Variants in TTC39B observed in about 807,000 individuals in gnomAD.
TTC39B encodes the protein tetratricopeptide repeat protein 39B.
In TTC39B, 92 loss-of-function variants were observed where a neutral mutation model predicts 96.6. That is an observed-to-expected ratio of 0.95 (90% CI 0.80 to 1.13). TTC39B has a LOEUF of 1.13. Among genes scored for constraint, TTC39B ranks in the 50% most tolerant of loss-of-function variants. The pLI is 0.00. For missense variants in TTC39B, 955 were observed against 809.3 expected, an observed-to-expected ratio of 1.18 and a Z score of -2.18; for synonymous variants, 367 against 299.4, an observed-to-expected ratio of 1.23 and a Z score of -2.33.
exon 11 of TTC39B, chr9:15,190,563 G>C (rs765552704): frequency 6.2e-7 from 1 of 1,613,170 alleles, no homozygotes; most frequent in East Asian, 2.2e-5. Flanking sequence ...CCAAGTATTA[G>C]GGAGATGTAA....
intron 2 of TTC39B, among the ~76,000 whole-genome samples, chr9:15,264,672 A>T: frequency 6.7e-6 from 1 of 148,982 alleles, no homozygotes; most frequent in East Asian, 1.9e-4. Flanking sequence ...AAAAAAAAAA[A>T]GGGAAACTAT....
At chr9:15,237,273 C>T (rs1423527753) in intron 2 of TTC39B, among the ~76,000 whole-genome samples, 1 of 152,144 alleles carries the variant, frequency 6.6e-6, no homozygotes, top group Admixed American at 6.5e-5. Context: ...CAAGATCATG[C>T]CACTGTATTC....
intron 1 of TTC39B, among the ~76,000 whole-genome samples, chr9:15,285,208 G>C (rs1823919295): frequency 6.6e-6 from 1 of 151,516 alleles, no homozygotes; most frequent in Admixed American, 6.6e-5. Context: ...GGCGGAGTTT[G>C]CAGTGAGCCG....
chr9:15,219,580 C>T (rs970017207), intron 3 of TTC39B, among the ~76,000 whole-genome samples: 4 of 152,182 alleles, frequency 2.6e-5, no homozygotes, highest in African/African-American at 4.8e-5. Context: ...AAGAGGTGCC[C>T]TCCCTGTACC....
chr9:15,173,467 C>T (rs1817766878), intron 19 of TTC39B, among the ~76,000 whole-genome samples: 1 of 152,170 alleles, frequency 6.6e-6, no homozygotes, highest in Admixed American at 6.6e-5. Context: ...GATACTCATG[C>T]TGCCAAATTC....
chr9:15,185,650 T>C, intron 15 of TTC39B: 1 of 410,968 alleles, frequency 2.4e-6, no homozygotes, highest in South Asian at 3.3e-5. Flanking sequence ...ACACTCAAGA[T>C]TGAGAACCAC....
chr9:15,181,232 C>T (rs2118605962), intron 17 of TTC39B, among the ~76,000 whole-genome samples: 1 of 152,234 alleles, frequency 6.6e-6, no homozygotes, highest in African/African-American at 2.4e-5. Context: ...AATGTTTCCC[C>T]ACCATTCCTG....
chr9:15,165,282 G>A lies in TTC39B; in HGVS notation c.*6737C>T, dbSNP rs184705844. On this transcript the variant is annotated 3_prime_UTR_variant, in exon 20 of 20. Coordinates refer to ENST00000512701, the Ensembl canonical transcript of TTC39B. ...GAATTGCTTGAACCCAGGAGGCAGA[G>A]GTTGTGGTAAGCCAAGATCGTGCCA... 154 of 152,288 alleles carry A rather than the reference G, an allele frequency of 1.0e-3. 2 individuals carry two copies. The highest frequency in any genetic ancestry group is 3.5e-3 in the African/African-American group (146 of 41,548). The allele number at this position is 152,288 out of a possible 1,614,324, so 9.4% of individuals were successfully genotyped here.
chr9:15,211,016 G>C (rs1296482595), intron 5 of TTC39B, among the ~76,000 whole-genome samples: 1 of 152,114 alleles, frequency 6.6e-6, no homozygotes, highest in Non-Finnish European at 1.5e-5. Context: ...AGAGATGCTT[G>C]CTGCTAATCC....
chr9:15,274,340 T>G (rs1193258034), intron 1 of TTC39B, among the ~76,000 whole-genome samples: 1 of 152,238 alleles, frequency 6.6e-6, no homozygotes, highest in Admixed American at 6.5e-5. Flanking sequence ...TTCTACAGCA[T>G]TTAAACTCTC....
chr9:15,249,205 G>C (rs1175711829), intron 2 of TTC39B: 1 of 152,098 alleles, frequency 6.6e-6, no homozygotes, highest in African/African-American at 2.4e-5. Context: ...GGGGAAAATG[G>C]GACACGATGA....
chr9:15,234,557 T>G (rs1354604409), intron 2 of TTC39B, among the ~76,000 whole-genome samples: 4 of 152,132 alleles, frequency 2.6e-5, no homozygotes, highest in Non-Finnish European at 4.4e-5. Flanking sequence ...GAACGGGCCA[T>G]GATGACAATG....
At chr9:15,271,243 A>G (rs1456062488) in intron 1 of TTC39B, among the ~76,000 whole-genome samples, 1 of 152,120 alleles carries the variant, frequency 6.6e-6, no homozygotes, top group Non-Finnish European at 1.5e-5. Flanking sequence ...AGAAGAGTGT[A>G]TTTGTGTTTA....
intron 1 of TTC39B, among the ~76,000 whole-genome samples, chr9:15,296,426 C>T (rs1824377299): frequency 6.6e-6 from 1 of 152,044 alleles, no homozygotes. Context: ...TCCTTTACCC[C>T]AAAAGAAGAA....
rs147130508 is a variant in TTC39B at position 15,178,525 on chromosome 9, T to C, written c.1724-711A>G. 9.4e-3 allele frequency among the ~76,000 whole-genome samples: 1,426 copies of C among 152,328 alleles called. 27 individuals are homozygous for C. Among genetic ancestry groups the C allele is most frequent in the African/African-American group, 0.033 (1,357 of 41,582 alleles). On this transcript the variant is annotated intron_variant, in intron 17 of 19. Transcript: ENST00000512701. ...AGCAGTTGGAGGCTGCAGTGAGCTA[T>C]GATGGCGCCACTGCACTGCAGCCTG...
chr9:15,223,231 G>A (rs1820943851), intron 3 of TTC39B, among the ~76,000 whole-genome samples: 1 of 152,184 alleles, frequency 6.6e-6, no homozygotes, highest in Admixed American at 6.5e-5. Flanking sequence ...TTCAAGGTTG[G>A]AGGGAGAATC....
intron 2 of TTC39B, among the ~76,000 whole-genome samples, chr9:15,265,397 C>T (rs915984064): frequency 1.3e-5 from 2 of 152,172 alleles, no homozygotes; most frequent in African/African-American, 4.8e-5. Flanking sequence ...GTGTGGCATG[C>T]TAGCTCCCGC....
chr9:15,304,322 A>G (rs1824688042), intron 1 of TTC39B, among the ~76,000 whole-genome samples: 1 of 152,232 alleles, frequency 6.6e-6, no homozygotes, highest in Non-Finnish European at 1.5e-5. Context: ...AGAAAACCCA[A>G]TGAGAGAAAT....
chr9:15,188,158 T>C, intron 13 of TTC39B, 26 bp from the exon 14 acceptor site: 1 of 1,566,264 alleles, frequency 6.4e-7, no homozygotes, highest in Non-Finnish European at 8.6e-7. Context: ...ACAAAGTTGA[T>C]CGTCCAGATA....
Sources: allele counts gnomAD v4.1 joint callset (sites outside exome capture counted in the v4.1 genomes callset), GRCh38; gene constraint gnomAD v4.1.1; transcripts MANE v1.5; gene names NCBI Gene and HGNC (gene_info 2026-07-23, HGNC 2026-07-21).